SHANK2: variants seen among roughly 807,000 people sequenced by gnomAD.
SHANK2 encodes the protein SH3 and multiple ankyrin repeat domains 2, also known as SH3 and multiple ankyrin repeat domains protein 2.
Under a neutral mutation model 133.7 loss-of-function variants are expected in SHANK2, and 43 were observed. The observed-to-expected ratio is 0.32, with a 90% CI of 0.25 to 0.41. SHANK2 has a LOEUF of 0.41. Among genes scored for constraint, SHANK2 ranks in the 10% least tolerant of loss-of-function variants. SHANK2 has a pLI of 1.00. For synonymous variants in SHANK2, 1,017 were observed against 952.8 expected (o/e 1.07, Z -1.24); for missense variants, 1,994 against 2,235.8 (o/e 0.89, Z 2.18).
At chr11:71,086,534 A>G (rs1951422397) in intron 8 of SHANK2, among the ~76,000 whole-genome samples, 1 of 141,550 alleles carries the variant, frequency 7.1e-6, no homozygotes, top group South Asian at 2.1e-4. Context: ...ATATAAATAT[A>G]TATAAATATA....
At chr11:70,836,578 T>C (rs571793534) in intron 11 of SHANK2, among the ~76,000 whole-genome samples, 9 of 152,308 alleles carry the variant, frequency 5.9e-5, no homozygotes, top group African/African-American at 1.7e-4. Flanking sequence ...CCTGCCTCCA[T>C]CACAGCCTCT....
At chr11:70,498,981 T>C (rs2059011571) in intron 21 of SHANK2, among the ~76,000 whole-genome samples, 1 of 152,226 alleles carries the variant, frequency 6.6e-6, no homozygotes, top group Non-Finnish European at 1.5e-5. Flanking sequence ...TGGGGGTCAC[T>C]TTTCAACCCA....
intron 15 of SHANK2, among the ~76,000 whole-genome samples, chr11:70,694,690 G>C (rs1468928118): frequency 6.6e-6 from 1 of 152,180 alleles, no homozygotes; most frequent in Non-Finnish European, 1.5e-5. Context: ...TGCTCCTCCT[G>C]CTCCATTGGA....
At chr11:70,938,492 A>G (rs1311952909) in intron 10 of SHANK2, among the ~76,000 whole-genome samples, 1 of 152,244 alleles carries the variant, frequency 6.6e-6, no homozygotes, top group Non-Finnish European at 1.5e-5. Context: ...CACAGAGGCT[A>G]TCAGGGGACT....
At chr11:70,581,287 C>T (rs1554985397) in intron 17 of SHANK2, among the ~76,000 whole-genome samples, 1 of 152,212 alleles carries the variant, frequency 6.6e-6, no homozygotes, top group Admixed American at 6.5e-5. Flanking sequence ...TCAAAGATGG[C>T]ATCTTCCTAT....
intron 11 of SHANK2, among the ~76,000 whole-genome samples, chr11:70,859,237 G>A (rs1949218673): frequency 6.6e-6 from 1 of 152,152 alleles, no homozygotes. Flanking sequence ...GTGAATAGAT[G>A]TGTAGATAAG....
chr11:70,749,011 C>A (rs572239360), intron 14 of SHANK2, among the ~76,000 whole-genome samples: 4 of 49,630 alleles, frequency 8.1e-5, no homozygotes, highest in African/African-American at 4.2e-4. Flanking sequence ...ACACAGCGAC[C>A]GACCTGAGGG....
At chr11:70,640,164 G>A (rs772752652) in intron 17 of SHANK2, among the ~76,000 whole-genome samples, 33 of 152,220 alleles carry the variant, frequency 2.2e-4, no homozygotes, top group Non-Finnish European at 4.0e-4. Flanking sequence ...ACTGAGAATG[G>A]GATCTTATTT....
chr11:71,202,761 G>A (rs1954041800), intron 2 of SHANK2, among the ~76,000 whole-genome samples: 1 of 152,192 alleles, frequency 6.6e-6, no homozygotes. Flanking sequence ...GGCACAGCAA[G>A]GCTGTCTCCA....
intron 17 of SHANK2, among the ~76,000 whole-genome samples, chr11:70,621,149 C>T (rs2060824466): frequency 6.6e-6 from 1 of 152,196 alleles, no homozygotes; most frequent in Non-Finnish European, 1.5e-5. Flanking sequence ...CCTCTACAGG[C>T]TCACATCAAT....
At chr11:71,058,094 C>G (rs1268805289) in intron 9 of SHANK2, among the ~76,000 whole-genome samples, 2 of 149,086 alleles carry the variant, frequency 1.3e-5, no homozygotes, top group Non-Finnish European at 3.0e-5. Flanking sequence ...CGAGGTCCCC[C>G]GTGTTGTCTA....
At chr11:70,829,929 T>C (rs1458051218) in intron 11 of SHANK2, among the ~76,000 whole-genome samples, 1 of 152,214 alleles carries the variant, frequency 6.6e-6, no homozygotes, top group Admixed American at 6.5e-5. Context: ...CCTGGCCATG[T>C]GGTAGGCTCT....
intron 17 of SHANK2, among the ~76,000 whole-genome samples, chr11:70,523,311 A>G (rs2135938272): frequency 6.6e-6 from 1 of 152,184 alleles, no homozygotes; most frequent in Non-Finnish European, 1.5e-5. Context: ...AATACTATTG[A>G]GCAGTTCTCT....
intron 8 of SHANK2, among the ~76,000 whole-genome samples, chr11:71,086,034 T>C (rs1951399692): frequency 1.1e-5 from 1 of 91,472 alleles, no homozygotes; most frequent in East Asian, 3.4e-4. Context: ...ATATGTTATA[T>C]ATATTATATA....
chr11:70,930,185 A>G (rs1337064725), intron 10 of SHANK2, among the ~76,000 whole-genome samples: 2 of 152,220 alleles, frequency 1.3e-5, no homozygotes, highest in African/African-American at 4.8e-5. Flanking sequence ...CAATCATTCA[A>G]TCTCTCCCTG....
chr11:70,773,267 CAA>C (rs1947292067), intron 14 of SHANK2, among the ~76,000 whole-genome samples: 1 of 152,206 alleles, frequency 6.6e-6, no homozygotes, highest in Non-Finnish European at 1.5e-5. Context: ...GTCCTAAAGA[CAA>C]GAGCAAAGCT....
At chr11:70,880,093 G>A (rs1015002045) in intron 11 of SHANK2, among the ~76,000 whole-genome samples, 3 of 152,206 alleles carry the variant, frequency 2.0e-5, no homozygotes, top group Non-Finnish European at 4.4e-5. Flanking sequence ...AAGCTCCCCG[G>A]CTAGCCTTGG....
At position 71,175,539 on chromosome 11, in the gene SHANK2, GGAGAGGGAGAGGGAGAGAGAGAGA is replaced by G. The variant is rs1336942722; in HGVS notation, c.-12-28225_-12-28202del. Reference sequence around the variant, plus strand: ...GAAACAGACAGACAGACAGACAGAGGGAGAGGGAGAGGGAGAGAGAGAGAGAGAGAGAGAGAGAGAGAGAGAGAG... The same window carrying G: ...GAAACAGACAGACAGACAGACAGAGGGAGAGAGAGAGAGAGAGAGAGAGAG... On this transcript the variant is annotated intron_variant, in intron 2 of 25. Transcript: ENST00000601538. This position sits in a 1 kb window ranked among gnomAD's most constrained non-coding sequence, Gnocchi z 4.2. Among the ~76,000 whole-genome samples, 5 of 79,660 alleles carry G rather than the reference GGAGAGGGAGAGGGAGAGAGAGAGA, an allele frequency of 6.3e-5. 1 individual carries two copies. Among genetic ancestry groups the G allele is most frequent in the African/African-American group, 2.7e-4 (5 of 18,386 alleles). The allele number at this position is 79,660 out of a possible 152,430, so 52.3% of individuals were successfully genotyped here. A position where few individuals can be genotyped will look rare whatever the true frequency, so the allele number is the denominator to read the frequency against.
chr11:71,145,231 C>A (rs146860120), intron 3 of SHANK2, among the ~76,000 whole-genome samples: 61 of 152,242 alleles, frequency 4.0e-4, no homozygotes, highest in Non-Finnish European at 7.4e-4. Context: ...CTTCTCTGGG[C>A]CACACTGGAA....
Sources: gnomAD v4.1 joint callset for allele counts (sites outside exome capture counted in the v4.1 genomes callset) on GRCh38, gnomAD v4.1.1 for gene constraint, Gnocchi (gnomAD v3.1) non-coding constraint, MANE v1.5 for transcripts, NCBI Gene and HGNC (gene_info 2026-07-23, HGNC 2026-07-21) for gene names.